The following STYK1 variants were observed in gnomAD, a reference collection of about 807,000 sequenced individuals.
STYK1 encodes the protein STY kinase 1, also known as tyrosine-protein kinase STYK1.
In STYK1, 46 loss-of-function variants were observed where a neutral mutation model predicts 48.1. The observed-to-expected ratio is 0.96, with a 90% CI of 0.75 to 1.22. STYK1 has a LOEUF of 1.22. STYK1 is among the 50% of genes most tolerant of loss of function. The probability of loss-of-function intolerance (pLI) is 0.00; values close to 1 mark genes in which losing one functional copy is unlikely to be tolerated. For synonymous variants in STYK1, 188 were observed against 189.0 expected, an observed-to-expected ratio of 0.99 and a Z score of 0.04; for missense variants, 527 against 521.1, an observed-to-expected ratio of 1.01 and a Z score of -0.11.
chr12:10,651,528 A>T (rs1947662521), intron 1 of STYK1, among the ~76,000 whole-genome samples: 1 of 152,238 alleles, frequency 6.6e-6, no homozygotes, highest in African/African-American at 2.4e-5. Context: ...ATGCACTTAG[A>T]ACAACACCTA....
Position 10,634,004 on chromosome 12 carries a change from C to G in STYK1, c.173G>C (p.Arg58Pro). 1 of 1,614,006 alleles carries G rather than the reference C, an allele frequency of 6.2e-7. No homozygotes were observed. Among genetic ancestry groups the G allele is most frequent in the Non-Finnish European group, 8.5e-7 (1 of 1,179,956 alleles). Residue 58 changes from arginine to proline, a missense_variant, in exon 4 of 11, where the codon CGT (arginine) becomes CCT (proline). Arg to Pro is a moderately radical substitution (Grantham distance 103, BLOSUM62 -2). Transcript: ENST00000075503. ...TTGAGCTTTACCTTGAGGTCCAGAA[C>G]GCTGCTGTTGAGTTCTTTGTTCTCT... ...FIREQRTQQQ[R>P]SGPQGIAPVP... is the part of the protein sequence containing the mutation.
At chr12:10,631,931 G>T (rs555534769) in intron 4 of STYK1, among the ~76,000 whole-genome samples, 70 of 152,194 alleles carry the variant, frequency 4.6e-4, no homozygotes, top group Middle Eastern at 3.4e-3. Context: ...CCTATTACAT[G>T]CCAGGTACTG....
chr12:10,658,329 T>C (rs1281151449), intron 1 of STYK1, among the ~76,000 whole-genome samples: 2 of 152,232 alleles, frequency 1.3e-5, no homozygotes, highest in Non-Finnish European at 2.9e-5. Context: ...TCTGGCTTTC[T>C]CTCTTGAATA....
At chr12:10,620,645 G>A (rs1865893214) in intron 10 of STYK1, among the ~76,000 whole-genome samples, 1 of 152,182 alleles carries the variant, frequency 6.6e-6, no homozygotes, top group African/African-American at 2.4e-5. Context: ...AACGTTGTAA[G>A]CATTGTGCAG....
At chr12:10,642,676 A>T (rs1947558299) in intron 1 of STYK1, among the ~76,000 whole-genome samples, 1 of 152,258 alleles carries the variant, frequency 6.6e-6, no homozygotes, top group Admixed American at 6.5e-5. Context: ...TAAAGTAATC[A>T]AAAAGTTAAT....
At chr12:10,663,783 G>T (rs1947805583) in intron 1 of STYK1, among the ~76,000 whole-genome samples, 1 of 150,896 alleles carries the variant, frequency 6.6e-6, no homozygotes, top group South Asian at 2.1e-4. Flanking sequence ...TTATGTTAAG[G>T]ATGTAGATCA....
At chr12:10,671,382 C>A (rs572018076) in intron 1 of STYK1, among the ~76,000 whole-genome samples, 2 of 152,242 alleles carry the variant, frequency 1.3e-5, no homozygotes, top group East Asian at 3.9e-4. Flanking sequence ...AGAAAGATTA[C>A]CCTGGAATAC....
In STYK1 at chr12:10,624,664, T is replaced by C. The variant is rs200525861; in HGVS notation, c.913A>G (p.Ile305Val). The C allele has an allele frequency of 1.1e-5, 17 of 1,613,982 alleles. No homozygotes were observed. Among genetic ancestry groups the C allele is most frequent in the Non-Finnish European group, 5.1e-6 (6 of 1,180,024 alleles). The change falls in exon 8 of 11, where the codon ATC becomes GTC. Residue 305 changes from isoleucine to valine, a missense_variant. Physicochemically the swap from Ile to Val is conservative, Grantham distance 29 (BLOSUM62 3). Transcript: ENST00000075503. ...PERLLLRPAS[I>V]RADVWSFGIL... ...AATAAACCGTACACATCTGCTCTGA[T>C]GCTAGCAGGTCTCAGGAGAAGCCGT...
At chr12:10,629,429 C>T (rs1301196265) in intron 6 of STYK1, 64 bp downstream of exon 6, 1 of 1,539,194 alleles carries the variant, frequency 6.5e-7, no homozygotes, top group Non-Finnish European at 8.9e-7. Flanking sequence ...CACTAACTGA[C>T]ATGTAAAAAG....
intron 1 of STYK1, among the ~76,000 whole-genome samples, chr12:10,671,421 C>A (rs1422338961): frequency 1.3e-5 from 2 of 151,602 alleles, no homozygotes; most frequent in Non-Finnish European, 1.5e-5. Context: ...TTACAAGAAT[C>A]CTTAAGTGTG....
At position 10,641,800 on chromosome 12, in the gene STYK1, C is replaced by T. The variant is rs180723622; in HGVS notation, c.-194-4604G>A. Reference sequence around the variant, plus strand: ...ACATAACCTCCTGCCTCATTCTGTACAGCCAGGATCCAAGGGCAGTTTCCC... The same window carrying T: ...ACATAACCTCCTGCCTCATTCTGTATAGCCAGGATCCAAGGGCAGTTTCCC... On this transcript the variant is annotated intron_variant, in intron 1 of 10. Transcript: ENST00000075503. Among the ~76,000 whole-genome samples the T allele has an allele frequency of 5.3e-5, 8 of 152,314 alleles. No homozygotes were observed. In the East Asian group the frequency reaches 7.7e-4, roughly 15 times the overall value.
At chr12:10,664,133 T>G (rs561379856) in intron 1 of STYK1, among the ~76,000 whole-genome samples, 102 of 152,250 alleles carry the variant, frequency 6.7e-4, no homozygotes, top group Non-Finnish European at 1.2e-3. Context: ...AAGGCCACTG[T>G]TGATCCTTCT....
chr12:10,653,320 G>A (rs1244117587), intron 1 of STYK1, among the ~76,000 whole-genome samples: 1 of 151,798 alleles, frequency 6.6e-6, no homozygotes, highest in Non-Finnish European at 1.5e-5. Flanking sequence ...CCAAAGTGCT[G>A]GGATTACAGG....
chr12:10,630,939 TACAC>T, intron 5 of STYK1, 102 bp downstream of exon 5: 1 of 1,434,480 alleles, frequency 7.0e-7, no homozygotes, highest in Non-Finnish European at 9.5e-7. Context: ...CCTTCTTCTG[TACAC>T]AGTTATGATC....
At chr12:10,629,831 A>G (rs1416211344) in intron 5 of STYK1, among the ~76,000 whole-genome samples, 157 bp from the exon 6 acceptor site, 1 of 152,220 alleles carries the variant, frequency 6.6e-6, no homozygotes, top group Non-Finnish European at 1.5e-5. Context: ...TTAGATGAAG[A>G]TGATGCTTAA....
intron 1 of STYK1, among the ~76,000 whole-genome samples, chr12:10,662,681 A>G (rs1947790319): frequency 1.3e-5 from 2 of 152,188 alleles, no homozygotes. Context: ...TGTACATTCA[A>G]ATCCTTTACC....
intron 5 of STYK1, among the ~76,000 whole-genome samples, chr12:10,630,060 AG>A (rs1947406938): frequency 3.4e-5 from 1 of 29,782 alleles, no homozygotes; most frequent in Non-Finnish European, 8.1e-5. Context: ...AGAGAGAGAG[AG>A]AGAGAGAGAG....
chr12:10,654,525 C>T (rs1947697079), intron 1 of STYK1, among the ~76,000 whole-genome samples: 1 of 152,160 alleles, frequency 6.6e-6, no homozygotes, highest in Admixed American at 6.5e-5. Context: ...AAATAGACCA[C>T]AGCACTGCCA....
At chr12:10,628,482 C>A (rs1244721360) in intron 6 of STYK1, among the ~76,000 whole-genome samples, 1 of 152,156 alleles carries the variant, frequency 6.6e-6, no homozygotes, top group Non-Finnish European at 1.5e-5. Context: ...GAGGACAAAA[C>A]AAGTTTTAGA....
Sources: gnomAD v4.1 joint callset for allele counts (sites outside exome capture counted in the v4.1 genomes callset) on GRCh38, gnomAD v4.1.1 for gene constraint, MANE v1.5 for transcripts, NCBI Gene and HGNC (gene_info 2026-07-23, HGNC 2026-07-21) for gene names.